The following POLR3B variants were observed in gnomAD, a reference collection of about 807,000 sequenced individuals.
POLR3B encodes RNA polymerase III subunit B, also known as DNA-directed RNA polymerase III subunit RPC2.
In POLR3B, 96 loss-of-function variants were observed where a neutral mutation model predicts 147.4. That is an observed-to-expected ratio of 0.65 (90% CI 0.55 to 0.77). POLR3B has a LOEUF of 0.77. POLR3B is among the 30% of genes least tolerant of loss of function. POLR3B has a pLI of 0.00. For synonymous variants in POLR3B, 461 were observed against 485.9 expected (o/e 0.95, Z 0.67); for missense variants, 1,036 against 1,413.5 (o/e 0.73, Z 4.28).
chr12:106,439,900 TA>T (rs550997775), intron 18 of POLR3B, among the ~76,000 whole-genome samples: 358 of 151,342 alleles, frequency 2.4e-3, no homozygotes, highest in Non-Finnish European at 3.1e-3. Flanking sequence ...CTACTAAAAA[TA>T]AAAAAAAGTT....
At chr12:106,362,690 C>A (rs1018921279) in intron 1 of POLR3B, among the ~76,000 whole-genome samples, 36 of 152,192 alleles carry the variant, frequency 2.4e-4, no homozygotes, top group African/African-American at 8.7e-4. Context: ...TTTACTTAAT[C>A]ACCTTTGTCA....
rs140261079 is a variant in POLR3B at position 106,479,685 on chromosome 12, T to C, written c.2713+16065T>C. Among the ~76,000 whole-genome samples the C allele has an allele frequency of 4.2e-3, 633 of 152,312 alleles. 3 individuals are homozygous for C. The highest frequency in any genetic ancestry group is 0.014 in the African/African-American group (562 of 41,584). Reference sequence around the variant, plus strand: ...GGCGTGAGCCAGCGCACCCAGCCTATTCTTTCTCTTATAGCAAGAAGTATG... The same window carrying C: ...GGCGTGAGCCAGCGCACCCAGCCTACTCTTTCTCTTATAGCAAGAAGTATG... On this transcript the variant is annotated intron_variant, in intron 23 of 27. Transcript: ENST00000228347.
chr12:106,444,141 G>A (rs547413509), intron 18 of POLR3B, among the ~76,000 whole-genome samples: 60 of 152,200 alleles, frequency 3.9e-4, no homozygotes, highest in African/African-American at 1.4e-3. Context: ...TTTAAAGGAC[G>A]TATATTCCAC....
chr12:106,357,809 C>G lies in POLR3B; in HGVS notation c.-71C>G. 1 of 1,459,088 alleles carries G rather than the reference C, an allele frequency of 6.9e-7. No homozygotes were observed. Among genetic ancestry groups the G allele is most frequent in the Non-Finnish European group, 9.5e-7 (1 of 1,054,046 alleles). 90.4% of individuals were successfully genotyped at this position (1,459,088 alleles called of 1,614,324 possible). ...CCTCCGCGCACCGTTCGCCGGGAGT[C>G]TTGCAGTTTGCTTGGTGCAGGGAAG... is the stretch of plus-strand genomic sequence containing the variant. On this transcript the variant is annotated 5_prime_UTR_variant, in exon 1 of 28. Transcript: ENST00000228347.
At chr12:106,378,718 C>T (rs2036716884) in intron 8 of POLR3B, among the ~76,000 whole-genome samples, 1 of 151,522 alleles carries the variant, frequency 6.6e-6, no homozygotes, top group Admixed American at 6.6e-5. Context: ...TGCTCCTTTT[C>T]AGCCTTTTAC....
chr12:106,381,581 TC>T (rs1395182714), intron 9 of POLR3B, among the ~76,000 whole-genome samples: 1 of 152,192 alleles, frequency 6.6e-6, no homozygotes, highest in Admixed American at 6.5e-5. Context: ...CACTTCTACT[TC>T]TAGTTCTCTT....
intron 12 of POLR3B, among the ~76,000 whole-genome samples, chr12:106,423,719 C>A (rs1445895865): frequency 6.6e-6 from 1 of 152,154 alleles, no homozygotes; most frequent in Admixed American, 6.5e-5. Context: ...CCTTACTCAG[C>A]CCACTGATTG....
At position 106,496,208 on chromosome 12, in the gene POLR3B, G is replaced by A. The variant is rs778374766; in HGVS notation, c.2817+50G>A. 1.1e-5 allele frequency: 12 copies of A among 1,133,334 alleles called. No individual in the cohort carries two copies. The Admixed American group carries it at 2.0e-4, about 19-fold the overall frequency. 70.2% of individuals were successfully genotyped at this position (1,133,334 alleles called of 1,614,324 possible). On this transcript the variant is annotated intron_variant, in intron 24 of 27. Coordinates refer to ENST00000228347, the MANE Select transcript of POLR3B (RefSeq NM_018082.6). The stretch of plus-strand genomic sequence containing the variant: ...AGGCATTGCCTTTAAGGAAGAAGCA[G>A]GCAGTTAGTTTAGTTAGAGTGAGTG...
intron 10 of POLR3B, among the ~76,000 whole-genome samples, chr12:106,405,580 A>ACACACACACACACAC (rs2037140566): frequency 4.0e-5 from 6 of 150,052 alleles, no homozygotes; most frequent in Non-Finnish European, 8.9e-5. Context: ...ACACACACAC[A>ACACACACACACACAC]AATATATTTT....
intron 12 of POLR3B, among the ~76,000 whole-genome samples, chr12:106,426,222 T>TTGTGTGTGTGTGTGTG (rs35090518): frequency 2.2e-4 from 29 of 131,130 alleles, no homozygotes; most frequent in African/African-American, 4.5e-4. Flanking sequence ...GGCCTGCAAT[T>TTGTGTGTGTGTGTGTG]TGTGTGTGTG....
At chr12:106,491,952 A>G (rs1395196811) in intron 23 of POLR3B, among the ~76,000 whole-genome samples, 1 of 152,232 alleles carries the variant, frequency 6.6e-6, no homozygotes, top group Admixed American at 6.5e-5. Context: ...TAAAAATTAA[A>G]GCAGACTGTA....
At chr12:106,358,089 C>A (rs1186902928) in intron 1 of POLR3B, 138 bp downstream of exon 1, 2 of 1,523,696 alleles carry the variant, frequency 1.3e-6, no homozygotes, top group African/African-American at 2.8e-5. Context: ...CCCAGAGCGT[C>A]GCGCTTGCGA....
At chr12:106,442,102 A>C (rs2037660334) in intron 18 of POLR3B, among the ~76,000 whole-genome samples, 1 of 151,592 alleles carries the variant, frequency 6.6e-6, no homozygotes, top group Non-Finnish European at 1.5e-5. Context: ...AGAAAGAAAG[A>C]AAGAAAGAAA....
At chr12:106,358,162 G>A in intron 1 of POLR3B, 1 of 1,442,766 alleles carries the variant, frequency 6.9e-7, no homozygotes. Flanking sequence ...GGAGCTGTCA[G>A]CCGCTGCGGG....
At chr12:106,406,526 G>A (rs1417048057) in intron 11 of POLR3B, among the ~76,000 whole-genome samples, 1 of 152,146 alleles carries the variant, frequency 6.6e-6, no homozygotes, top group African/African-American at 2.4e-5. Flanking sequence ...TTTTAAAAAT[G>A]TTTACTGGAT....
At chr12:106,490,903 T>C (rs958217540) in intron 23 of POLR3B, among the ~76,000 whole-genome samples, 2 of 152,176 alleles carry the variant, frequency 1.3e-5, no homozygotes, top group Admixed American at 6.5e-5. Flanking sequence ...TATTCCCCAA[T>C]AGATATCTGC....
intron 23 of POLR3B, among the ~76,000 whole-genome samples, chr12:106,466,133 A>G (rs1334953217): frequency 6.6e-6 from 1 of 152,098 alleles, no homozygotes; most frequent in African/African-American, 2.4e-5. Context: ...TGACTTTTTA[A>G]TGATCGCCAT....
At chr12:106,367,043 C>G (rs2036544963) in intron 4 of POLR3B, among the ~76,000 whole-genome samples, 1 of 152,082 alleles carries the variant, frequency 6.6e-6, no homozygotes, top group Non-Finnish European at 1.5e-5. Context: ...GGGGAGATTT[C>G]AGTGAGCTGA....
At chr12:106,362,616 C>T (rs1320554369) in intron 1 of POLR3B, among the ~76,000 whole-genome samples, 1 of 152,030 alleles carries the variant, frequency 6.6e-6, no homozygotes, top group Non-Finnish European at 1.5e-5. Context: ...ATCTCTATGT[C>T]CAATTTCTCC....
Sources: gnomAD v4.1 joint callset for allele counts (sites outside exome capture counted in the v4.1 genomes callset) on GRCh38, gnomAD v4.1.1 for gene constraint, MANE v1.5 for transcripts, NCBI Gene and HGNC (gene_info 2026-07-23, HGNC 2026-07-21) for gene names.